CCNB2: variants seen among roughly 807,000 people sequenced by gnomAD.
CCNB2 encodes the protein G2/mitotic-specific cyclin-B2.
CCNB2 carries 39 observed loss-of-function variants against 51.1 expected under a neutral mutation model. The observed-to-expected ratio is 0.76, with a 90% confidence interval of 0.59 to 1.00. CCNB2 has a LOEUF of 1.00. CCNB2 is among the 50% of genes least tolerant of loss of function. The pLI, the probability that CCNB2 is intolerant of heterozygous loss-of-function variation, is 0.00. For synonymous variants in CCNB2, 174 were observed against 165.5 expected, an observed-to-expected ratio of 1.05 and a Z score of -0.40; for missense variants, 472 against 470.3, an observed-to-expected ratio of 1.00 and a Z score of -0.03.
intron 8 of CCNB2, 94 bp from the exon 9 acceptor site, chr15:59,124,673 G>A: frequency 1.2e-6 from 1 of 854,156 alleles, no homozygotes; most frequent in Non-Finnish European, 2.0e-6. Flanking sequence ...GATCATGATT[G>A]TAGCCGTGGA....
At chr15:59,122,952 C>T (rs533573012) in intron 7 of CCNB2, among the ~76,000 whole-genome samples, 51 of 152,332 alleles carry the variant, frequency 3.3e-4, no homozygotes, top group African/African-American at 1.2e-3. Flanking sequence ...TGTCTAAGTT[C>T]TCTCTGCTGT....
In CCNB2 at chr15:59,122,547, CTTTTTTTTTT is replaced by C. The variant is rs1398519553; in HGVS notation, c.976-969_976-960del. 6.7e-5 allele frequency among the ~76,000 whole-genome samples: 7 copies of C among 104,506 alleles called. No homozygotes were observed. In the South Asian group the frequency reaches 1.6e-3, roughly 24 times the overall value. 68.6% of individuals were successfully genotyped at this position (104,506 alleles called of 152,430 possible). On this transcript the variant is annotated intron_variant, in intron 7 of 8. Transcript: ENST00000288207. ...GCCTTTTTTTTTTTTCTTTTTTTTT[CTTTTTTTTTT>C]GAGACAGGGTCTCACTGTGTTGCCC...
Position 59,117,465 on chromosome 15 carries a change from G to A in CCNB2, c.975+97G>A, listed in dbSNP as rs1028157715. ...TTTTTACAACACTATCCTTGAAGCA[G>A]TTGGTTTTGTTTTGTGTTTTTGAGA... is the stretch of plus-strand genomic sequence containing the variant. On this transcript the variant is annotated intron_variant, in intron 7 of 8. Coordinates refer to ENST00000288207, the MANE Select transcript of CCNB2 (RefSeq NM_004701.4). The A allele has an allele frequency of 1.8e-5, 24 of 1,305,896 alleles. No individual in the cohort carries two copies. The African/African-American group carries it at 2.6e-4, about 14-fold the overall frequency. 80.9% of individuals were successfully genotyped at this position (1,305,896 alleles called of 1,614,324 possible). A position where few individuals can be genotyped will look rare whatever the true frequency, so the allele number is the denominator to read the frequency against.
At chr15:59,122,237 A>G (rs886873285) in intron 7 of CCNB2, among the ~76,000 whole-genome samples, 52 of 115,220 alleles carry the variant, frequency 4.5e-4, no homozygotes, top group African/African-American at 1.5e-3. Flanking sequence ...GTCAGTTGAC[A>G]TATCTTTTTT....
chr15:59,115,995 G>A (rs1454197112), intron 5 of CCNB2: 1 of 152,104 alleles, frequency 6.6e-6, no homozygotes, highest in Non-Finnish European at 1.5e-5. Context: ...GCCTCCCAAA[G>A]TGTTGGGATT....
At chr15:59,111,909 G>C (rs8042601) in intron 3 of CCNB2, among the ~76,000 whole-genome samples, 5,427 of 146,046 alleles carry the variant, frequency 0.037, 174 homozygotes, top group African/African-American at 0.088. Flanking sequence ...CTGGAGTACA[G>C]TGGCATAATC....
At chr15:59,105,670 C>T (rs80261432) in intron 1 of CCNB2, among the ~76,000 whole-genome samples, 3 of 152,200 alleles carry the variant, frequency 2.0e-5, no homozygotes, top group African/African-American at 7.2e-5. Flanking sequence ...CCCTTTCTTA[C>T]AACTCCTTGC....
At chr15:59,106,088 C>T (rs1352519319) in intron 1 of CCNB2, among the ~76,000 whole-genome samples, 2 of 152,152 alleles carry the variant, frequency 1.3e-5, no homozygotes, top group Non-Finnish European at 2.9e-5. Context: ...CCCTGACACA[C>T]CTGAGTTCCA....
At chr15:59,112,022 T>A (rs1350263607) in intron 3 of CCNB2, among the ~76,000 whole-genome samples, 3 of 151,988 alleles carry the variant, frequency 2.0e-5, no homozygotes, top group Non-Finnish European at 4.4e-5. Flanking sequence ...TGGCTAATTT[T>A]TGTATTTTTT....
intron 3 of CCNB2, among the ~76,000 whole-genome samples, chr15:59,112,729 CT>C (rs1270320179): frequency 6.6e-6 from 1 of 150,888 alleles, no homozygotes. Context: ...TGGAGAAGTA[CT>C]TTTTTTTTGA....
At chr15:59,108,365 G>T (rs2079244598) in intron 3 of CCNB2, among the ~76,000 whole-genome samples, 2 of 152,184 alleles carry the variant, frequency 1.3e-5, no homozygotes, top group Non-Finnish European at 2.9e-5. Flanking sequence ...GTTTTGAGGA[G>T]TACCGAAATG....
chr15:59,117,219 C>A lies in CCNB2; in HGVS notation c.835-9C>A. 1 of 1,610,442 alleles carries A rather than the reference C, an allele frequency of 6.2e-7. No homozygotes were observed. The highest frequency in any genetic ancestry group is 2.1e-4 in the Middle Eastern group (1 of 4,846). Reference sequence around the variant, plus strand: ...GTGATTCTTACTATCCCTTGCTGTTCTTTCTTAGGTTGATGTTGAACAGCA... The same window carrying A: ...GTGATTCTTACTATCCCTTGCTGTTATTTCTTAGGTTGATGTTGAACAGCA... On this transcript the variant is annotated splice_polypyrimidine_tract_variant and intron_variant, in intron 6 of 8. Coordinates refer to ENST00000288207, the MANE Select transcript of CCNB2 (RefSeq NM_004701.4).
intron 3 of CCNB2, among the ~76,000 whole-genome samples, chr15:59,111,177 T>G (rs1329573423): frequency 6.6e-6 from 1 of 152,228 alleles, no homozygotes; most frequent in Non-Finnish European, 1.5e-5. Context: ...CAAGAATCTT[T>G]GTCTTATCCT....
chr15:59,109,208 G>A (rs913610616), intron 3 of CCNB2, among the ~76,000 whole-genome samples: 3 of 152,060 alleles, frequency 2.0e-5, no homozygotes, highest in Non-Finnish European at 2.9e-5. Context: ...ATGCTACCAT[G>A]CCCAGCTGAT....
intron 7 of CCNB2, among the ~76,000 whole-genome samples, chr15:59,119,560 T>G (rs1168785531): frequency 6.6e-6 from 1 of 152,138 alleles, no homozygotes; most frequent in Admixed American, 6.5e-5. Flanking sequence ...ACTAAAGTGG[T>G]AACATCAAGT....
chr15:59,114,091 TA>T (rs1456533798), intron 3 of CCNB2, among the ~76,000 whole-genome samples: 1 of 152,124 alleles, frequency 6.6e-6, no homozygotes, highest in African/African-American at 2.4e-5. Context: ...CATATGGACA[TA>T]GGGGCAAGAG....
At chr15:59,105,334 G>C in intron 1 of CCNB2, 42 bp downstream of exon 1, 1 of 1,539,382 alleles carries the variant, frequency 6.5e-7, no homozygotes, top group Non-Finnish European at 8.7e-7. Context: ...GAGTCCGTCG[G>C]CCCCACAGCT....
intron 3 of CCNB2, among the ~76,000 whole-genome samples, chr15:59,114,068 T>G (rs2079268453): frequency 6.6e-6 from 1 of 152,036 alleles, no homozygotes; most frequent in South Asian, 2.1e-4. Flanking sequence ...AAACTTGAAG[T>G]AAGGGAATTA....
intron 8 of CCNB2, chr15:59,124,212 G>A (rs1410255951): frequency 6.1e-6 from 1 of 164,090 alleles, no homozygotes; most frequent in Non-Finnish European, 1.3e-5. Context: ...CTGTGCTTGT[G>A]TGACACCAAA....
Sources: gnomAD v4.1 joint callset for allele counts (sites outside exome capture counted in the v4.1 genomes callset) on GRCh38, gnomAD v4.1.1 for gene constraint, MANE v1.5 for transcripts, NCBI Gene and HGNC (gene_info 2026-07-23, HGNC 2026-07-21) for gene names.